The following VGLL4 variants were observed in gnomAD, a reference collection of about 807,000 sequenced individuals.
VGLL4 encodes the protein transcription cofactor vestigial-like protein 4.
A neutral mutation model predicts 21.0 loss-of-function variants in VGLL4; 7 were observed. The observed-to-expected ratio is 0.33, with a 90% CI of 0.19 to 0.63. VGLL4 has a LOEUF of 0.63. VGLL4 is among the 20% of genes least tolerant of loss of function. VGLL4 has a pLI of 0.78. For missense variants in VGLL4, 394 were observed against 425.7 expected, an observed-to-expected ratio of 0.93 and a Z score of 0.66; for synonymous variants, 222 against 173.2, an observed-to-expected ratio of 1.28 and a Z score of -2.21.
intron 2 of VGLL4, among the ~76,000 whole-genome samples, chr3:11,572,960 G>T (rs536372071): frequency 6.6e-6 from 1 of 152,142 alleles, no homozygotes; most frequent in East Asian, 1.9e-4. Context: ...CTGAGGTCAG[G>T]AGTTTGAGAC....
intron 2 of VGLL4, among the ~76,000 whole-genome samples, chr3:11,658,495 G>A (rs1218078168): frequency 2.0e-5 from 3 of 151,596 alleles, no homozygotes; most frequent in Non-Finnish European, 4.4e-5. Flanking sequence ...ACCAAACACA[G>A]GGCCTGACAC....
chr3:11,618,230 T>G (rs2075202097), intron 1 of VGLL4, among the ~76,000 whole-genome samples: 1 of 152,092 alleles, frequency 6.6e-6, no homozygotes. Flanking sequence ...ATATGTTGGG[T>G]TTTTCACAGT....
upstream of VGLL4, among the ~76,000 whole-genome samples, chr3:11,646,595 T>C (rs1459483531): frequency 6.6e-6 from 1 of 152,168 alleles, no homozygotes; most frequent in Non-Finnish European, 1.5e-5. Context: ...TTTCATTTTA[T>C]TCACTTATTT....
In VGLL4 at chr3:11,592,861, G is replaced by C. The variant is rs779356121; in HGVS notation, c.272+8972C>G. Among the ~76,000 whole-genome samples the C allele has an allele frequency of 6.6e-5, 10 of 152,250 alleles. 1 individual carries two copies. In the South Asian group the frequency reaches 1.7e-3, roughly 25 times the overall value. Reference sequence around the variant, plus strand: ...AGGATAAAACGATCGTGCCCATGAAGCACGCAGCACAGTGCCAGCGCACAA... The same window carrying C: ...AGGATAAAACGATCGTGCCCATGAACCACGCAGCACAGTGCCAGCGCACAA... On this transcript the variant is annotated intron_variant, in intron 2 of 4. Coordinates refer to ENST00000430365, the MANE Select transcript of VGLL4 (RefSeq NM_001128219.3).
At chr3:11,658,973 G>T (rs554990808) in intron 2 of VGLL4, among the ~76,000 whole-genome samples, 2 of 152,170 alleles carry the variant, frequency 1.3e-5, no homozygotes, top group East Asian at 1.9e-4. Flanking sequence ...GCACCTCCAG[G>T]CGTCAGGCAC....
chr3:11,631,411 A>C (rs2075474968), intron 1 of VGLL4, among the ~76,000 whole-genome samples: 1 of 152,210 alleles, frequency 6.6e-6, no homozygotes, highest in African/African-American at 2.4e-5. Context: ...ACCTAAATAT[A>C]AAAGAAACAC....
chr3:11,563,560 C>G (rs764667126), intron 3 of VGLL4, among the ~76,000 whole-genome samples: 8 of 152,248 alleles, frequency 5.3e-5, no homozygotes, highest in Non-Finnish European at 1.0e-4. Context: ...TGGCTGCCCA[C>G]AGCTCTGCTC....
intron 3 of VGLL4, among the ~76,000 whole-genome samples, chr3:11,562,682 T>C (rs1244843634): frequency 1.3e-5 from 2 of 152,190 alleles, no homozygotes; most frequent in East Asian, 3.9e-4. Context: ...GCCCCACGAA[T>C]GGTTACGACA....
rs973590929 is a variant in VGLL4, at chr3:11,568,261, C to T, written c.273-3242G>A. On this transcript the variant is annotated intron_variant, in intron 2 of 4. Transcript: ENST00000430365. The surrounding 1 kb of genome is among the most constrained non-coding windows in gnomAD (Gnocchi z 5.9). Reference sequence around the variant, plus strand: ...CCTCGCACCTTATGTCCTAGGGGCACGGCACAGTCACGCAGATGACTCAGC... The same window carrying T: ...CCTCGCACCTTATGTCCTAGGGGCATGGCACAGTCACGCAGATGACTCAGC... Among the ~76,000 whole-genome samples the T allele has an allele frequency of 2.0e-5, 3 of 152,194 alleles. No homozygotes were observed. The highest frequency in any genetic ancestry group is 4.8e-5 in the African/African-American group (2 of 41,450).
chr3:11,666,930 C>A (rs893684099), intron 2 of VGLL4, among the ~76,000 whole-genome samples: 1 of 152,200 alleles, frequency 6.6e-6, no homozygotes, highest in Non-Finnish European at 1.5e-5. Flanking sequence ...TCAGGTTCCC[C>A]CTCTCCAGCC....
At position 11,568,904 on chromosome 3, in the gene VGLL4, TC is replaced by T. The variant is rs1175849332; in HGVS notation, c.273-3886del. 5 of 1,290,142 alleles carry T rather than the reference TC, an allele frequency of 3.9e-6. No individual in the cohort carries two copies. The highest frequency in any genetic ancestry group is 4.9e-6 in the Non-Finnish European group (5 of 1,014,638). The allele number at this position is 1,290,142 out of a possible 1,614,324, so 79.9% of individuals were successfully genotyped here. A position where few individuals can be genotyped will look rare whatever the true frequency, so the allele number is the denominator to read the frequency against. On this transcript the variant is annotated intron_variant, in intron 2 of 4. Transcript: ENST00000430365. This position sits in a 1 kb window ranked among gnomAD's most constrained non-coding sequence, Gnocchi z 5.9. ...GCACCCGGCCCCGCCCCGGGCCTCATCCCCATCCTAGGCGGGCACTTCCACT... is the reference window on the plus strand; with the variant it reads ...GCACCCGGCCCCGCCCCGGGCCTCATCCCATCCTAGGCGGGCACTTCCACT...
At chr3:11,687,650 G>A (rs1244354580) in intron 2 of VGLL4, among the ~76,000 whole-genome samples, 1 of 152,052 alleles carries the variant, frequency 6.6e-6, no homozygotes. Flanking sequence ...TATTTCAAGA[G>A]AACAAAGATA....
chr3:11,588,832 C>T (rs768189671), intron 2 of VGLL4, among the ~76,000 whole-genome samples: 2 of 152,188 alleles, frequency 1.3e-5, no homozygotes, highest in Admixed American at 6.5e-5. Context: ...ATTTAGGGCA[C>T]ACATACAACA....
At position 11,666,555 on chromosome 3, in the gene VGLL4, G is replaced by A. The variant is rs145913120; in HGVS notation, c.64+36416C>T. 4.6e-5 allele frequency among the ~76,000 whole-genome samples: 7 copies of A among 152,356 alleles called. 1 individual carries two copies. The highest frequency in any genetic ancestry group is 1.7e-4 in the African/African-American group (7 of 41,584). ...GTGATGGCAAAAAGTGATCAGATGT[G>A]AGATATATCTGAAGGCAGAACAAAC... On this transcript the variant is annotated intron_variant, in intron 2 of 5. Transcript: ENST00000273038.
chr3:11,582,516 G>A, intron 2 of VGLL4: 1 of 667,804 alleles, frequency 1.5e-6, no homozygotes, highest in Non-Finnish European at 2.5e-6. Flanking sequence ...GAACTCCTGG[G>A]AGGGTTTATT....
intron 1 of VGLL4, among the ~76,000 whole-genome samples, chr3:11,627,674 A>G (rs2075384522): frequency 6.6e-6 from 1 of 152,072 alleles, no homozygotes. Flanking sequence ...TAATTTTCCA[A>G]GGTAACTATT....
chr3:11,641,308 C>A (rs1404829439), intron 1 of VGLL4, among the ~76,000 whole-genome samples: 1 of 152,070 alleles, frequency 6.6e-6, no homozygotes, highest in Non-Finnish European at 1.5e-5. Flanking sequence ...CTTGACTGTG[C>A]CCTAAATGAA....
chr3:11,600,225 G>C (rs532959492), intron 2 of VGLL4, among the ~76,000 whole-genome samples: 8 of 152,190 alleles, frequency 5.3e-5, no homozygotes, highest in African/African-American at 1.9e-4. Context: ...CAATGACAAG[G>C]ATATCACTGT....
Position 11,675,885 on chromosome 3 carries a change from C to T in VGLL4, c.64+27086G>A, listed in dbSNP as rs116500309. Among the ~76,000 whole-genome samples the T allele has an allele frequency of 8.8e-3, 1,341 of 152,260 alleles. 8 individuals carry two copies. Among genetic ancestry groups the T allele is most frequent in the Non-Finnish European group, 0.012 (842 of 68,028 alleles). ...TTAACAGATGTTCTGACTTGATTTG[C>T]GTGTTTTTCTTACATTTTACTCTCA... On this transcript the variant is annotated intron_variant, in intron 2 of 5. Transcript: ENST00000273038.
Sources: gnomAD v4.1 joint callset for allele counts (sites outside exome capture counted in the v4.1 genomes callset) on GRCh38, gnomAD v4.1.1 for gene constraint, Gnocchi (gnomAD v3.1) non-coding constraint, MANE v1.5 for transcripts, NCBI Gene and HGNC (gene_info 2026-07-23, HGNC 2026-07-21) for gene names.